Variants in PGM2 observed in about 807,000 individuals in gnomAD.
PGM2 encodes the protein phosphopentomutase.
A neutral mutation model predicts 74.6 loss-of-function variants in PGM2; 57 were observed. The observed-to-expected ratio is 0.76, with a 90% CI of 0.62 to 0.95. PGM2 has a LOEUF of 0.95. Ranked by LOEUF, PGM2 falls within the 40% of genes least tolerant of loss-of-function variation. The pLI, the probability that PGM2 is intolerant of heterozygous loss-of-function variation, is 0.00. For synonymous variants in PGM2, 273 were observed against 260.7 expected (o/e 1.05, Z -0.46); for missense variants, 706 against 741.9 (o/e 0.95, Z 0.56).
chr4:37,836,225 ACTGATTTAAGCTTATGGT>A (rs1725563646), intron 3 of PGM2, among the ~76,000 whole-genome samples: 1 of 152,180 alleles, frequency 6.6e-6, no homozygotes, highest in South Asian at 2.1e-4. Flanking sequence ...GAGTGATGTT[ACTGATTTAAGCTTATGGT>A]TCAAGTCTCA....
intron 6 of PGM2, among the ~76,000 whole-genome samples, chr4:37,842,224 GATGTTT>G (rs1725750046): frequency 2.7e-5 from 4 of 148,580 alleles, no homozygotes; most frequent in Non-Finnish European, 3.0e-5. Flanking sequence ...ATATTTTTTA[GATGTTT>G]TCTGTTGTCT....
At chr4:37,828,900 T>C (rs2152173853) in intron 1 of PGM2, among the ~76,000 whole-genome samples, 1 of 152,308 alleles carries the variant, frequency 6.6e-6, no homozygotes, top group East Asian at 1.9e-4. Context: ...CTGCTGTTTT[T>C]CACCAAAAAA....
At chr4:37,856,278 G>A (rs933065495) in intron 13 of PGM2, among the ~76,000 whole-genome samples, 3 of 152,132 alleles carry the variant, frequency 2.0e-5, no homozygotes, top group Admixed American at 1.3e-4. Context: ...CCAGCTACTC[G>A]GGAGGCTGAG....
Position 37,834,686 on chromosome 4 carries a change from C to G in PGM2, c.318C>G (p.Asp106Glu). Residue 106 changes from aspartate (D) to glutamate (E), a missense_variant, in exon 3 of 14, where the codon GAC becomes GAG. Coordinates refer to ENST00000381967, the MANE Select transcript of PGM2 (RefSeq NM_018290.4). ...AGAAAGGCATCGTGATCAGTTTTGA[C>G]GCCCGAGCTCATCCATCCAGTGGGG... Reference protein sequence around the residue: ...LKQKGIVISFDARAHPSSGGS... With the variant: ...LKQKGIVISFEARAHPSSGGS... 1.3e-6 allele frequency: 2 copies of G among 1,593,312 alleles called. No individual in the cohort carries two copies. Among genetic ancestry groups the G allele is most frequent in the Non-Finnish European group, 1.7e-6 (2 of 1,162,816 alleles).
At chr4:37,841,100 A>ATATATATATATATATATATATATATG (rs1202149456) in intron 6 of PGM2, among the ~76,000 whole-genome samples, 11 of 115,740 alleles carry the variant, frequency 9.5e-5, no homozygotes, top group South Asian at 3.0e-4. Context: ...ATATATATAT[A>ATATATATATATATATATATATATATG]TGTGTGTGTG....
At chr4:37,827,573 C>T (rs1248617947) in intron 1 of PGM2, among the ~76,000 whole-genome samples, 1 of 152,100 alleles carries the variant, frequency 6.6e-6, no homozygotes, top group Non-Finnish European at 1.5e-5. Flanking sequence ...TATTTTGTGC[C>T]TGAACTTAAA....
chr4:37,837,690 G>A (rs1725604477), intron 4 of PGM2, 77 bp downstream of exon 4: 14 of 890,764 alleles, frequency 1.6e-5, no homozygotes, highest in Non-Finnish European at 2.1e-5. Flanking sequence ...TAGTCTTTAG[G>A]GCTATTGGGA....
intron 13 of PGM2, among the ~76,000 whole-genome samples, chr4:37,859,442 G>A (rs1410926411): frequency 6.6e-6 from 1 of 152,148 alleles, no homozygotes; most frequent in Non-Finnish European, 1.5e-5. Context: ...TGTCCAGAAA[G>A]GGAGCCTGGA....
At chr4:37,836,450 A>G (rs1577674018) in intron 3 of PGM2, among the ~76,000 whole-genome samples, 1 of 152,208 alleles carries the variant, frequency 6.6e-6, no homozygotes, top group South Asian at 2.1e-4. Flanking sequence ...TTATCCTTTA[A>G]TCTTCCAATT....
At chr4:37,828,384 C>T (rs1259504506) in intron 1 of PGM2, among the ~76,000 whole-genome samples, 2 of 151,238 alleles carry the variant, frequency 1.3e-5, no homozygotes, top group South Asian at 4.2e-4. Flanking sequence ...GTTCTATCCT[C>T]TGTTAATTTC....
At chr4:37,857,541 C>T (rs1055466151) in intron 13 of PGM2, among the ~76,000 whole-genome samples, 5 of 152,070 alleles carry the variant, frequency 3.3e-5, no homozygotes, top group Non-Finnish European at 5.9e-5. Context: ...ACTTAGAAAG[C>T]TCACCACTCC....
intron 2 of PGM2, among the ~76,000 whole-genome samples, chr4:37,834,359 A>G (rs2152175080): frequency 6.6e-6 from 1 of 152,162 alleles, no homozygotes; most frequent in East Asian, 1.9e-4. Context: ...AAAATTTCCT[A>G]ACAAAGTTGA....
intron 8 of PGM2, among the ~76,000 whole-genome samples, chr4:37,846,059 G>A (rs1725861461): frequency 6.6e-6 from 1 of 152,180 alleles, no homozygotes; most frequent in Non-Finnish European, 1.5e-5. Flanking sequence ...AAAGCACTTT[G>A]GTGCTAGCTG....
chr4:37,857,858 G>A (rs2152182372), intron 13 of PGM2, among the ~76,000 whole-genome samples: 1 of 152,102 alleles, frequency 6.6e-6, no homozygotes, highest in East Asian at 1.9e-4. Flanking sequence ...TAGATAGTAA[G>A]CTCTTTGCTG....
Position 37,846,978 on chromosome 4 carries a change from G to A in PGM2, c.1055G>A (p.Gly352Asp), listed in dbSNP as rs758181941. 1 of 1,613,926 alleles carries A rather than the reference G, an allele frequency of 6.2e-7. No homozygotes were observed. The highest frequency in any genetic ancestry group is 8.5e-7 in the Non-Finnish European group (1 of 1,179,858). Reference protein sequence around the residue: ...FSGNELGALLGWWLFTSWKEK... With the variant: ...FSGNELGALLDWWLFTSWKEK... ...GGCAATGAGTTGGGGGCCCTCCTGG[G>A]CTGGTGGCTTTTTACATCTTGGAAA... The change falls in exon 9 of 14, where the codon GGC becomes GAC. Residue 352 changes from glycine to aspartate, a missense_variant. By Grantham distance (94) the Gly-to-Asp change is moderately conservative. Around this residue, in one of 3 missense-constraint regions of PGM2, gnomAD observed 359 missense variants for 371.1 expected, o/e 0.97. Transcript: ENST00000381967.
chr4:37,841,096 A>G (rs201435770), intron 6 of PGM2, among the ~76,000 whole-genome samples: 23,493 of 113,198 alleles, frequency 0.21, 2,368 homozygotes, highest in African/African-American at 0.29. Flanking sequence ...ATATATATAT[A>G]TATATGTGTG....
chr4:37,843,293 G>A (rs1725780238), intron 6 of PGM2, among the ~76,000 whole-genome samples: 2 of 152,120 alleles, frequency 1.3e-5, no homozygotes, highest in African/African-American at 4.8e-5. Context: ...CAAGAGAGTT[G>A]TTTTTCCAGA....
rs79526745 is a variant in PGM2 at position 37,851,135 on chromosome 4, T to C, written c.1602+762T>C. Among the ~76,000 whole-genome samples, 378 of 152,302 alleles carry C rather than the reference T, an allele frequency of 2.5e-3. 2 individuals carry two copies. Among genetic ancestry groups the C allele is most frequent in the African/African-American group, 8.7e-3 (361 of 41,564 alleles). Reference sequence around the variant, plus strand: ...TGGTCCAGGGAGAATCTGGGTTTTCTATCTCAGGATCCAGCATTCTCTCCC... The same window carrying C: ...TGGTCCAGGGAGAATCTGGGTTTTCCATCTCAGGATCCAGCATTCTCTCCC... On this transcript the variant is annotated intron_variant, in intron 12 of 13. Coordinates refer to ENST00000381967, the MANE Select transcript of PGM2 (RefSeq NM_018290.4).
Position 37,845,218 on chromosome 4 carries a change from G to A in PGM2, c.910-415G>A, listed in dbSNP as rs76770307. Among the ~76,000 whole-genome samples, 741 of 152,294 alleles carry A rather than the reference G, an allele frequency of 4.9e-3. 4 individuals carry two copies. Among genetic ancestry groups the A allele is most frequent in the South Asian group, 0.017 (80 of 4,830 alleles). On this transcript the variant is annotated intron_variant, in intron 7 of 13. Coordinates refer to ENST00000381967, the MANE Select transcript of PGM2 (RefSeq NM_018290.4). ...TTTCTTGTCATTTTTCTGATATGAA[G>A]TGTTGCTTACATTATGGTTTCTGTA...
Sources: gnomAD v4.1 joint callset for allele counts (sites outside exome capture counted in the v4.1 genomes callset) on GRCh38, gnomAD v4.1.1 for gene constraint, gnomAD v4.1.1 regional missense constraint, MANE v1.5 for transcripts, NCBI Gene and HGNC (gene_info 2026-07-23, HGNC 2026-07-21) for gene names.